The following PRICKLE2 variants were observed in gnomAD, a reference collection of about 807,000 sequenced individuals.
The protein encoded by PRICKLE2 is prickle-like protein 2.
A neutral mutation model predicts 81.4 loss-of-function variants in PRICKLE2; 21 were observed. That is an observed-to-expected ratio of 0.26 (90% confidence interval 0.18 to 0.37). The LOEUF is 0.37. Among genes scored for constraint, PRICKLE2 ranks in the 10% least tolerant of loss-of-function variants. PRICKLE2 has a pLI of 1.00. For missense variants in PRICKLE2, 940 were observed against 1,109.0 expected (o/e 0.85, Z 2.16); for synonymous variants, 456 against 421.5 (o/e 1.08, Z -1.00).
At chr3:64,179,230 C>T (rs1038434736) in intron 2 of PRICKLE2, among the ~76,000 whole-genome samples, 16 of 151,938 alleles carry the variant, frequency 1.1e-4, no homozygotes, top group African/African-American at 3.6e-4. Context: ...GCATGTACCA[C>T]CATGCCTGGC....
intron 1 of PRICKLE2, among the ~76,000 whole-genome samples, chr3:64,222,132 A>T (rs2078965076): frequency 6.6e-6 from 1 of 152,206 alleles, no homozygotes; most frequent in Non-Finnish European, 1.5e-5. Flanking sequence ...TATAGCCGCT[A>T]TCTTCACAGC....
At chr3:64,214,863 G>A (rs1174158667) in intron 1 of PRICKLE2, among the ~76,000 whole-genome samples, 1 of 152,136 alleles carries the variant, frequency 6.6e-6, no homozygotes, top group East Asian at 1.9e-4. Context: ...AAACGAACAA[G>A]GAGGAGCCGG....
At chr3:64,172,757 T>C (rs1396376112) in intron 2 of PRICKLE2, among the ~76,000 whole-genome samples, 1 of 152,174 alleles carries the variant, frequency 6.6e-6, no homozygotes, top group Non-Finnish European at 1.5e-5. Flanking sequence ...TATTTATAGA[T>C]AGGGCCTTTA....
intron 2 of PRICKLE2, among the ~76,000 whole-genome samples, chr3:64,248,372 A>G (rs867645517): frequency 3.3e-5 from 5 of 152,224 alleles, no homozygotes; most frequent in African/African-American, 7.2e-5. Context: ...CCTTTCCCCA[A>G]TAAGTTTCCA....
At position 64,098,134 on chromosome 3, in the gene PRICKLE2, G is replaced by C. The variant is rs988099796; in HGVS notation, c.*917C>G. ...AACGTCATGCTGACATCACACAATG[G>C]CACCACTCACAGTCACTTTTACTTT... On this transcript the variant is annotated 3_prime_UTR_variant, in exon 8 of 8. Coordinates refer to ENST00000638394, the MANE Select transcript of PRICKLE2 (RefSeq NM_198859.4). 6.6e-6 allele frequency: 1 copy of C among 152,582 alleles called. No homozygotes were observed. The highest frequency in any genetic ancestry group is 1.9e-4 in the East Asian group (1 of 5,190). 9.5% of individuals were successfully genotyped at this position (152,582 alleles called of 1,614,324 possible).
At chr3:64,242,221 T>C (rs918735689) in intron 2 of PRICKLE2, among the ~76,000 whole-genome samples, 1 of 152,216 alleles carries the variant, frequency 6.6e-6, no homozygotes, top group African/African-American at 2.4e-5. Context: ...ATAATAATAA[T>C]GATCTTTTTC....
At chr3:64,205,541 G>C (rs2107127554) in intron 1 of PRICKLE2, among the ~76,000 whole-genome samples, 1 of 152,234 alleles carries the variant, frequency 6.6e-6, no homozygotes, top group Non-Finnish European at 1.5e-5. Context: ...GATTTTGACA[G>C]GTTATTTACA....
intron 1 of PRICKLE2, among the ~76,000 whole-genome samples, chr3:64,210,045 C>T (rs1426177515): frequency 1.3e-5 from 2 of 152,154 alleles, no homozygotes; most frequent in African/African-American, 4.8e-5. Context: ...GGCCTCCCTC[C>T]TCCTCCACCA....
chr3:64,264,711 A>G (rs917661572), intron 2 of PRICKLE2, among the ~76,000 whole-genome samples: 1 of 152,238 alleles, frequency 6.6e-6, no homozygotes, highest in African/African-American at 2.4e-5. Flanking sequence ...GGGTGAATGC[A>G]GAGTAACCTT....
intron 2 of PRICKLE2, among the ~76,000 whole-genome samples, chr3:64,179,483 CA>C (rs2078088831): frequency 6.6e-6 from 1 of 152,094 alleles, no homozygotes; most frequent in Non-Finnish European, 1.5e-5. Context: ...AAATCACCAA[CA>C]AAAAGCATAG....
intron 2 of PRICKLE2, chr3:64,182,752 T>A (rs1425548945): frequency 6.6e-6 from 1 of 152,106 alleles, no homozygotes; most frequent in Non-Finnish European, 1.5e-5. Flanking sequence ...CTAAGACAAG[T>A]GGCTAACAGA....
chr3:64,161,012 T>G (rs2077724849), intron 3 of PRICKLE2, among the ~76,000 whole-genome samples: 1 of 152,014 alleles, frequency 6.6e-6, no homozygotes, highest in African/African-American at 2.4e-5. Flanking sequence ...CTAAATAGAC[T>G]GGGAACAGAA....
chr3:64,141,976 A>G, intron 7 of PRICKLE2: 1 of 977,762 alleles, frequency 1.0e-6, no homozygotes, highest in Non-Finnish European at 1.2e-6. Context: ...ATATGCAGAT[A>G]GTTTAGAATG....
chr3:64,241,023 T>G (rs993644765), intron 2 of PRICKLE2, among the ~76,000 whole-genome samples: 5 of 152,178 alleles, frequency 3.3e-5, no homozygotes, highest in Non-Finnish European at 7.3e-5. Context: ...GTCGAGAAAC[T>G]TTGTAAAGGA....
chr3:64,124,264 G>A (rs1418228744), intron 7 of PRICKLE2, among the ~76,000 whole-genome samples: 2 of 152,168 alleles, frequency 1.3e-5, no homozygotes. Flanking sequence ...AATTGCAGAA[G>A]AAAAGTTAGA....
chr3:64,265,026 C>T (rs1039806460), intron 2 of PRICKLE2, among the ~76,000 whole-genome samples: 6 of 152,156 alleles, frequency 3.9e-5, no homozygotes, highest in African/African-American at 9.7e-5. Flanking sequence ...CTGTTCCCTC[C>T]GCTACCCCTA....
rs755313340 is a variant in PRICKLE2 at position 64,147,400 on chromosome 3, G to A, written c.1090C>T (p.Arg364Trp). 19 of 1,614,120 alleles carry A rather than the reference G, an allele frequency of 1.2e-5. No homozygotes were observed. Among genetic ancestry groups the A allele is most frequent in the African/African-American group, 5.3e-5 (4 of 74,942 alleles). Residue 364 changes from arginine to tryptophan, a missense_variant, in exon 7 of 8, where the codon CGG becomes TGG. By Grantham distance (101) the Arg-to-Trp change is moderately radical. This residue lies in a region of PRICKLE2 where 670 missense variants were observed against 717.2 expected (regional missense o/e 0.93). Transcript: ENST00000638394. The surrounding 1 kb of genome is among the most constrained non-coding windows in gnomAD (Gnocchi z 5.0). ...AGGGGGTCTACGTCGGCTGACAGCC[G>A]GTTAGAACTCACTTGCAGCTGGCTG... The part of the protein sequence containing the change: ...QHSQLQVSSN[R>W]LSADVDPLSL...
chr3:64,098,307 A>G lies in PRICKLE2; in HGVS notation c.*744T>C, dbSNP rs1203234694. Reference sequence around the variant, plus strand: ...AAAAAATTACTACCACTTTGTAGAAAATAAATTCTACTGAGGGTGGGAGCA... The same window carrying G: ...AAAAAATTACTACCACTTTGTAGAAGATAAATTCTACTGAGGGTGGGAGCA... On this transcript the variant is annotated 3_prime_UTR_variant, in exon 8 of 8. Transcript: ENST00000638394. The G allele has an allele frequency of 6.6e-6, 1 of 152,574 alleles. No homozygotes were observed. The highest frequency in any genetic ancestry group is 6.5e-5 in the Admixed American group (1 of 15,286). The allele number at this position is 152,574 out of a possible 1,614,324, so 9.5% of individuals were successfully genotyped here. A position where few individuals can be genotyped will look rare whatever the true frequency, so the allele number is the denominator to read the frequency against.
At chr3:64,117,613 A>G (rs1355793895) in intron 7 of PRICKLE2, among the ~76,000 whole-genome samples, 1 of 152,228 alleles carries the variant, frequency 6.6e-6, no homozygotes, top group East Asian at 1.9e-4. Flanking sequence ...TGCCACAAAA[A>G]GAATACATTA....
Sources: gnomAD v4.1 joint callset for allele counts (sites outside exome capture counted in the v4.1 genomes callset) on GRCh38, gnomAD v4.1.1 for gene constraint, gnomAD v4.1.1 regional missense constraint, Gnocchi (gnomAD v3.1) non-coding constraint, MANE v1.5 for transcripts, NCBI Gene and HGNC (gene_info 2026-07-23, HGNC 2026-07-21) for gene names.